The following PTTG1IP variants were observed in gnomAD, a reference collection of about 807,000 sequenced individuals.
PTTG1IP encodes PTTG1 interacting protein, also known as pituitary tumor-transforming gene 1 protein-interacting protein.
A neutral mutation model predicts 24.4 loss-of-function variants in PTTG1IP; 16 were observed. The observed-to-expected ratio is 0.66, with a 90% CI of 0.44 to 1.00. PTTG1IP has a LOEUF of 1.00. Among genes scored for constraint, PTTG1IP ranks in the 50% least tolerant of loss-of-function variants. PTTG1IP has a pLI of 0.00. For synonymous variants in PTTG1IP, 89 were observed against 96.8 expected (o/e 0.92, Z 0.47); for missense variants, 241 against 245.8 (o/e 0.98, Z 0.13).
rs1433045193 is a variant in PTTG1IP, at chr21:44,856,352, G to A, written c.290C>T (p.Ala97Val). 8.1e-6 allele frequency: 13 copies of A among 1,611,970 alleles called. No homozygotes were observed. The highest frequency in any genetic ancestry group is 6.6e-5 in the South Asian group (6 of 90,924). Residue 97 changes from alanine (A) to valine (V), a missense_variant, in exon 4 of 6, where the codon GCG becomes GTG. By Grantham distance (64) the Ala-to-Val change is moderately conservative. Coordinates refer to ENST00000330938, the MANE Select transcript of PTTG1IP (RefSeq NM_004339.4). ...GACTACCGACATGGTGATGATCAGCGCCTCAAAGTTCACTGGAGATTCAAG... is the reference window on the plus strand; with the variant it reads ...GACTACCGACATGGTGATGATCAGCACCTCAAAGTTCACTGGAGATTCAAG... ...RWGVCWVNFE[A>V]LIITMSVVGG...
At chr21:44,863,412 A>G (rs2083510096) in intron 2 of PTTG1IP, among the ~76,000 whole-genome samples, 1 of 152,126 alleles carries the variant, frequency 6.6e-6, no homozygotes, top group Non-Finnish European at 1.5e-5. Context: ...CCAAGAGCAC[A>G]CCCACACACG....
chr21:44,851,098 C>T lies in PTTG1IP; in HGVS notation c.*483G>A. On this transcript the variant is annotated 3_prime_UTR_variant, in exon 6 of 6. Coordinates refer to ENST00000330938, the MANE Select transcript of PTTG1IP (RefSeq NM_004339.4). The stretch of plus-strand genomic sequence containing the variant: ...GTGTGAGTCAACAGGTGTGAAGACT[C>T]AAGATGCGCACACAGACGCTGTCCG... The T allele has an allele frequency of 2.4e-6, 1 of 414,534 alleles. No homozygotes were observed. Among genetic ancestry groups the T allele is most frequent in the Non-Finnish European group, 4.4e-6 (1 of 228,472 alleles). 25.7% of individuals were successfully genotyped at this position (414,534 alleles called of 1,614,324 possible).
intron 1 of PTTG1IP, among the ~76,000 whole-genome samples, chr21:44,873,284 G>A (rs991629198): frequency 3.9e-5 from 6 of 152,188 alleles, no homozygotes; most frequent in Non-Finnish European, 7.4e-5. Context: ...AGACAAAGAC[G>A]GCTCTTCCCC....
chr21:44,852,490 C>T (rs8133255), intron 5 of PTTG1IP, among the ~76,000 whole-genome samples: 10,434 of 152,218 alleles, frequency 0.069, 1,211 homozygotes, highest in African/African-American at 0.24. Context: ...CTCTCTCTCC[C>T]TTTAACAATC....
In PTTG1IP at chr21:44,856,173, G is replaced by A. The variant is rs1407861445; in HGVS notation, c.449+20C>T. ...ATCCCCTCGAAGTAACCTTCCCAGC[G>A]GGCATCACCACCACCTCACCGTTCC... On this transcript the variant is annotated intron_variant, in intron 4 of 5. Coordinates refer to ENST00000330938, the MANE Select transcript of PTTG1IP (RefSeq NM_004339.4). 1.8e-5 allele frequency: 29 copies of A among 1,613,748 alleles called. No homozygotes were observed. Among genetic ancestry groups the A allele is most frequent in the African/African-American group, 8.0e-5 (6 of 74,868 alleles).
At chr21:44,863,502 T>C (rs1289540599) in intron 2 of PTTG1IP, among the ~76,000 whole-genome samples, 1 of 152,230 alleles carries the variant, frequency 6.6e-6, no homozygotes, top group African/African-American at 2.4e-5. Flanking sequence ...TCAGCCCTTC[T>C]GGACTGGCCC....
intron 4 of PTTG1IP, among the ~76,000 whole-genome samples, chr21:44,855,961 T>C (rs765915103): frequency 6.6e-6 from 1 of 152,180 alleles, no homozygotes; most frequent in African/African-American, 2.4e-5. Context: ...ACTGCACCGA[T>C]GGGAGGACAC....
At chr21:44,865,719 G>C in intron 1 of PTTG1IP, 2 of 564,006 alleles carry the variant, frequency 3.5e-6, no homozygotes, top group Non-Finnish European at 6.4e-6. Context: ...GGAGAGAAGA[G>C]TGCCAACACA....
intron 2 of PTTG1IP, among the ~76,000 whole-genome samples, chr21:44,863,776 G>C (rs2083512690): frequency 6.6e-6 from 1 of 152,244 alleles, no homozygotes; most frequent in Admixed American, 6.5e-5. Flanking sequence ...CCAATGTCAA[G>C]ATCTGAAACC....
At chr21:44,867,393 A>G (rs972127025) in intron 1 of PTTG1IP, among the ~76,000 whole-genome samples, 3 of 148,660 alleles carry the variant, frequency 2.0e-5, no homozygotes, top group African/African-American at 7.5e-5. Context: ...GGTGAGACTC[A>G]CGTATGGAGG....
At chr21:44,856,441 TG>T in intron 3 of PTTG1IP, 77 bp from the exon 4 acceptor site, 2 of 1,467,314 alleles carry the variant, frequency 1.4e-6, no homozygotes, top group Non-Finnish European at 9.2e-7. Flanking sequence ...CCCTCGCCCC[TG>T]GGGAACAACC....
In PTTG1IP at chr21:44,851,034, C is replaced by A; in HGVS notation, c.*547G>T. ...TGAGGTTAGGACGTTAAGTCCTTAT[C>A]AGACTGTGTACTGGAGCCCCGTGTC... On this transcript the variant is annotated 3_prime_UTR_variant, in exon 6 of 6. Transcript: ENST00000330938. 1 of 249,718 alleles carries A rather than the reference C, an allele frequency of 4.0e-6. No homozygotes were observed. Among genetic ancestry groups the A allele is most frequent in the Non-Finnish European group, 7.7e-6 (1 of 129,044 alleles). The allele number at this position is 249,718 out of a possible 1,614,324, so 15.5% of individuals were successfully genotyped here. A position where few individuals can be genotyped will look rare whatever the true frequency, so the allele number is the denominator to read the frequency against.
intron 2 of PTTG1IP, chr21:44,862,052 G>A (rs563714778): frequency 5.9e-4 from 336 of 573,002 alleles, no homozygotes; most frequent in Admixed American, 1.1e-3. Flanking sequence ...TGAGGCCGCA[G>A]TGGTGTGGAG....
rs966963813 is a variant in PTTG1IP at position 44,850,190 on chromosome 21, A to C, written c.*1391T>G. Reference sequence around the variant, plus strand: ...AGTCTTCTCAGTTTTCATGACTGTGAAGTGTGAAAATGGAACGCATCCTTG... The same window carrying C: ...AGTCTTCTCAGTTTTCATGACTGTGCAGTGTGAAAATGGAACGCATCCTTG... On this transcript the variant is annotated 3_prime_UTR_variant, in exon 6 of 6. Transcript: ENST00000330938. 6.6e-6 allele frequency: 1 copy of C among 152,214 alleles called. No homozygotes were observed. The highest frequency in any genetic ancestry group is 1.5e-5 in the Non-Finnish European group (1 of 68,028). 9.4% of individuals were successfully genotyped at this position (152,214 alleles called of 1,614,324 possible).
intron 2 of PTTG1IP, among the ~76,000 whole-genome samples, chr21:44,863,236 T>TGCTC (rs1569324958): frequency 8.8e-5 from 9 of 101,732 alleles, no homozygotes; most frequent in African/African-American, 1.3e-4. Context: ...CACCACGGCC[T>TGCTC]CAGCAGCAGA....
intron 1 of PTTG1IP, among the ~76,000 whole-genome samples, 182 bp downstream of exon 1, chr21:44,873,320 G>A (rs900214319): frequency 6.6e-6 from 1 of 152,144 alleles, no homozygotes; most frequent in Admixed American, 6.5e-5. Flanking sequence ...CGCGACGGCA[G>A]CTCCCGCGGC....
At chr21:44,863,089 C>G (rs540333609) in intron 2 of PTTG1IP, among the ~76,000 whole-genome samples, 4,024 of 126,452 alleles carry the variant, frequency 0.032, 116 homozygotes, top group African/African-American at 0.11. Context: ...CTCGGCAACA[C>G]AGAGACACAC....
chr21:44,853,179 C>G lies in PTTG1IP; in HGVS notation c.497-1552G>C, dbSNP rs557958264. On this transcript the variant is annotated intron_variant, in intron 5 of 5. Coordinates refer to ENST00000330938, the MANE Select transcript of PTTG1IP (RefSeq NM_004339.4). ...CAGTGTGTGCGTGTGTGCGCGTGTG[C>G]GTGTGTGTGTATCCACCTTGTCTTT... Among the ~76,000 whole-genome samples, 3 of 152,226 alleles carry G rather than the reference C, an allele frequency of 2.0e-5. No homozygotes were observed. The South Asian group carries it at 6.2e-4, about 32-fold the overall frequency.
chr21:44,873,626 G>C lies in PTTG1IP; in HGVS notation c.-10C>G, dbSNP rs1452765647. On this transcript the variant is annotated 5_prime_UTR_variant, in exon 1 of 6. Transcript: ENST00000330938. ...CCACTCCGGGCGCCATGGTCGGCCG[G>C]TCGCTCTATCAGTCAGTGGAGCGTT... 1.4e-6 allele frequency: 2 copies of C among 1,422,266 alleles called. No individual in the cohort carries two copies. The highest frequency in any genetic ancestry group is 5.9e-5 in the Admixed American group (2 of 34,130). 88.1% of individuals were successfully genotyped at this position (1,422,266 alleles called of 1,614,324 possible). A position where few individuals can be genotyped will look rare whatever the true frequency, so the allele number is the denominator to read the frequency against.
Sources: allele counts gnomAD v4.1 joint callset (sites outside exome capture counted in the v4.1 genomes callset), GRCh38; gene constraint gnomAD v4.1.1; transcripts MANE v1.5; gene names NCBI Gene and HGNC (gene_info 2026-07-23, HGNC 2026-07-21).